Variants in NSD1 observed in about 807,000 individuals in gnomAD.
The protein encoded by NSD1 is histone-lysine N-methyltransferase, H3 lysine-36 specific.
Under a neutral mutation model 242.7 loss-of-function variants are expected in NSD1, and 26 were observed. The ratio of observed to expected loss-of-function variants is 0.11; its 90% CI spans 0.08 to 0.15. NSD1 has a LOEUF of 0.15. Among genes scored for constraint, NSD1 ranks in the 10% least tolerant of loss-of-function variants. The pLI is 1.00. For synonymous variants in NSD1, 1,106 were observed against 1,178.1 expected (o/e 0.94, Z 1.25); for missense variants, 2,495 against 3,272.8 (o/e 0.76, Z 5.80).
At chr5:177,154,696 A>T (rs1757978471) in intron 2 of NSD1, among the ~76,000 whole-genome samples, 1 of 151,546 alleles carries the variant, frequency 6.6e-6, no homozygotes. Flanking sequence ...TTTTAATTTT[A>T]TTATTATTAT....
At chr5:177,273,844 C>T in intron 17 of NSD1, 60 bp downstream of exon 17, 1 of 1,075,864 alleles carries the variant, frequency 9.3e-7, no homozygotes, top group Middle Eastern at 2.0e-4. Flanking sequence ...TGGCTCTTCC[C>T]ACTCTGTTCA....
At chr5:177,156,853 T>C (rs1758178095) in intron 2 of NSD1, among the ~76,000 whole-genome samples, 1 of 151,772 alleles carries the variant, frequency 6.6e-6, no homozygotes, top group Non-Finnish European at 1.5e-5. Flanking sequence ...GCCAACATGG[T>C]GGAACCCCGT....
intron 22 of NSD1, among the ~76,000 whole-genome samples, chr5:177,292,424 G>A (rs1465651758): frequency 2.0e-5 from 3 of 152,200 alleles, no homozygotes; most frequent in Non-Finnish European, 4.4e-5. Context: ...AGCCCATAAT[G>A]GTTGGTTTTC....
intron 17 of NSD1, among the ~76,000 whole-genome samples, chr5:177,275,481 T>TGGAGTGC (rs1239468553): frequency 1.7e-5 from 2 of 120,116 alleles, no homozygotes; most frequent in African/African-American, 6.3e-5. Flanking sequence ...TCGCCCAGGA[T>TGGAGTGC]GGAGTGCAGT....
chr5:177,219,975 T>C (rs1251394383), intron 5 of NSD1, among the ~76,000 whole-genome samples: 1 of 151,956 alleles, frequency 6.6e-6, no homozygotes, highest in Admixed American at 6.6e-5. Context: ...AAAAAAAGAC[T>C]CTGTGTGACC....
intron 5 of NSD1, among the ~76,000 whole-genome samples, chr5:177,224,908 CAA>C (rs1764518277): frequency 6.6e-6 from 1 of 151,760 alleles, no homozygotes; most frequent in South Asian, 2.1e-4. Flanking sequence ...ATTGAGAAGA[CAA>C]TTTTGCGTTT....
rs751976734 is a variant in NSD1, at chr5:177,158,286, TTTC to T, written c.927+22259_927+22261del. Among the ~76,000 whole-genome samples, 327 of 87,468 alleles carry T rather than the reference TTTC, an allele frequency of 3.7e-3. 1 individual carries two copies. Among genetic ancestry groups the T allele is most frequent in the African/African-American group, 0.018 (294 of 16,620 alleles). 57.4% of individuals were successfully genotyped at this position (87,468 alleles called of 152,430 possible). On this transcript the variant is annotated intron_variant, in intron 2 of 22. Coordinates refer to ENST00000439151, the MANE Select transcript of NSD1 (RefSeq NM_022455.5). The stretch of plus-strand genomic sequence containing the variant: ...CTTTCTTTCTTTCTTTCTTTCTTTC[TTTC>T]TTTCTTTCTTTCTTTTCTTTCTTTT...
chr5:177,176,007 C>T (rs142224043), intron 2 of NSD1, among the ~76,000 whole-genome samples: 1 of 151,734 alleles, frequency 6.6e-6, no homozygotes, highest in African/African-American at 2.4e-5. Context: ...TCCTGAGTAG[C>T]TGGGATTATA....
At chr5:177,241,230 C>T (rs1202489915) in intron 8 of NSD1, among the ~76,000 whole-genome samples, 6 of 151,930 alleles carry the variant, frequency 3.9e-5, no homozygotes, top group Non-Finnish European at 8.8e-5. Flanking sequence ...GGTGCGGTGG[C>T]TCACACCTGT....
chr5:177,284,299 G>A (rs1759125373), intron 20 of NSD1, among the ~76,000 whole-genome samples: 1 of 152,058 alleles, frequency 6.6e-6, no homozygotes. Flanking sequence ...TTAATGTTTA[G>A]GGACAGAGCA....
At chr5:177,288,439 C>G (rs2127269696) in intron 20 of NSD1, 1 of 291,832 alleles carries the variant, frequency 3.4e-6, no homozygotes, top group Non-Finnish European at 6.6e-6. Flanking sequence ...CACCTGAGAA[C>G]AGACAAACAG....
At chr5:177,245,970 ATTTATTTT>A (rs1766257341) in intron 9 of NSD1, among the ~76,000 whole-genome samples, 3 of 30,186 alleles carry the variant, frequency 9.9e-5, no homozygotes, top group Non-Finnish European at 2.3e-4. Context: ...TATTTTTTTT[ATTTATTTT>A]TTTTTTTTTG....
chr5:177,167,987 T>G (rs1278146196), intron 2 of NSD1, among the ~76,000 whole-genome samples: 1 of 152,162 alleles, frequency 6.6e-6, no homozygotes, highest in Non-Finnish European at 1.5e-5. Flanking sequence ...TCCATATGAA[T>G]TTGAGGTTAG....
chr5:177,258,532 TTTG>T lies in NSD1; in HGVS notation c.4966+1390_4966+1392del, dbSNP rs960115580. ...CAAGTTGTTTTTGTTGTTGTTGTTG[TTTG>T]TTGTTGTTTTTTTTTTTGAGATGGA... On this transcript the variant is annotated intron_variant, in intron 13 of 22. Coordinates refer to ENST00000439151, the MANE Select transcript of NSD1 (RefSeq NM_022455.5). 3.3e-5 allele frequency among the ~76,000 whole-genome samples: 5 copies of T among 151,642 alleles called. No homozygotes were observed. In the East Asian group the frequency reaches 5.9e-4, roughly 18 times the overall value.
chr5:177,250,915 G>A (rs1358926826), intron 11 of NSD1, among the ~76,000 whole-genome samples: 1 of 152,172 alleles, frequency 6.6e-6, no homozygotes, highest in Non-Finnish European at 1.5e-5. Flanking sequence ...ATTTGGGCTG[G>A]GTGCGGTGGC....
intron 5 of NSD1, among the ~76,000 whole-genome samples, chr5:177,215,454 G>A (rs1000646941): frequency 4.6e-5 from 7 of 152,036 alleles, no homozygotes; most frequent in Non-Finnish European, 1.0e-4. Context: ...GGGATTACAG[G>A]CATGAGCAAC....
intron 5 of NSD1, among the ~76,000 whole-genome samples, chr5:177,227,014 A>G (rs539178483): frequency 3.2e-4 from 48 of 152,322 alleles, no homozygotes; most frequent in African/African-American, 1.1e-3. Flanking sequence ...AGTAAATACT[A>G]TTACATGTAC....
chr5:177,189,655 A>G (rs1182132596), intron 2 of NSD1, among the ~76,000 whole-genome samples: 3 of 152,196 alleles, frequency 2.0e-5, no homozygotes, highest in Non-Finnish European at 4.4e-5. Context: ...ATGGGTAATA[A>G]TGTGTTTACT....
chr5:177,204,134 C>A lies in NSD1; in HGVS notation c.1078C>A (p.Pro360Thr). The change falls in exon 4 of 23, where the codon CCC (proline) becomes ACC (threonine). Residue 360 changes from proline (P) to threonine (T), a missense_variant. This residue lies in a region of NSD1 where 65 missense variants were observed against 136.2 expected (regional missense o/e 0.48). Coordinates refer to ENST00000439151, the MANE Select transcript of NSD1 (RefSeq NM_022455.5). ...HSKMKVSNRR[P>T]YRQYYVEAFG... ...CCCTTACCTAGTTTCCAACCGGAGG[C>A]CCTATCGGCAGTACTACGTGGAGGC... 6.2e-7 allele frequency: 1 copy of A among 1,613,956 alleles called. No homozygotes were observed. The highest frequency in any genetic ancestry group is 8.5e-7 in the Non-Finnish European group (1 of 1,179,920).
Sources: allele counts gnomAD v4.1 joint callset (sites outside exome capture counted in the v4.1 genomes callset), GRCh38; gene constraint gnomAD v4.1.1; regional missense constraint gnomAD v4.1.1; transcripts MANE v1.5; gene names NCBI Gene and HGNC (gene_info 2026-07-23, HGNC 2026-07-21).